Variants in BCR observed in about 807,000 individuals in gnomAD.
BCR encodes BCR activator of RhoGEF and GTPase, also known as breakpoint cluster region protein.
A neutral mutation model predicts 138.6 loss-of-function variants in BCR; 58 were observed. That is an observed-to-expected ratio of 0.42 (90% CI 0.34 to 0.52). BCR has a LOEUF of 0.52. BCR is among the 20% of genes least tolerant of loss of function. The pLI, the probability that BCR is intolerant of heterozygous loss-of-function variation, is 0.06. For synonymous variants in BCR, 786 were observed against 730.1 expected (o/e 1.08, Z -1.23); for missense variants, 1,599 against 1,727.2 (o/e 0.93, Z 1.32).
intron 1 of BCR, among the ~76,000 whole-genome samples, chr22:23,213,206 A>G (rs150763160): frequency 6.6e-6 from 1 of 152,168 alleles, no homozygotes; most frequent in Non-Finnish European, 1.5e-5. Flanking sequence ...TCCACAGACA[A>G]TCATGGCCCT....
At chr22:23,262,839 G>A (rs1325876458) in intron 4 of BCR, 2 of 1,036,294 alleles carry the variant, frequency 1.9e-6, no homozygotes, top group African/African-American at 3.4e-5. Context: ...GAGGAAGCAG[G>A]GCGGAAGGGA....
chr22:23,236,442 A>G (rs1234272687), intron 1 of BCR, among the ~76,000 whole-genome samples: 1 of 152,216 alleles, frequency 6.6e-6, no homozygotes, highest in Non-Finnish European at 1.5e-5. Context: ...ACTTGTCCTA[A>G]TAGACCACTC....
chr22:23,186,168 G>C (rs1336574514), intron 1 of BCR, among the ~76,000 whole-genome samples: 2 of 152,236 alleles, frequency 1.3e-5, no homozygotes, highest in Non-Finnish European at 2.9e-5. Flanking sequence ...TCAGTCACCA[G>C]AAGTTGGAGG....
intron 1 of BCR, among the ~76,000 whole-genome samples, chr22:23,239,400 G>A (rs1010257774): frequency 6.6e-6 from 1 of 152,226 alleles, no homozygotes; most frequent in Non-Finnish European, 1.5e-5. Flanking sequence ...CACTGGAAGA[G>A]GAGAGCCCAA....
At chr22:23,233,725 G>C (rs1337390121) in intron 1 of BCR, among the ~76,000 whole-genome samples, 1 of 151,500 alleles carries the variant, frequency 6.6e-6, no homozygotes, top group African/African-American at 2.4e-5. Flanking sequence ...AGGAGTCGGG[G>C]GTTGTTGTGA....
chr22:23,242,013 T>G (rs1406927163), intron 1 of BCR, among the ~76,000 whole-genome samples: 3 of 152,148 alleles, frequency 2.0e-5, no homozygotes, highest in African/African-American at 4.8e-5. Context: ...CAGCCCCCCT[T>G]AGCTCTTAGT....
Position 23,181,642 on chromosome 22 carries a change from A to T in BCR, c.682A>T (p.Arg228Trp). 1 of 1,609,930 alleles carries T rather than the reference A, an allele frequency of 6.2e-7. No homozygotes were observed. Residue 228 changes from arginine to tryptophan, a missense_variant, in exon 1 of 23, where the codon AGG (arginine) becomes TGG (tryptophan). Around this residue, in one of 4 missense-constraint regions of BCR, gnomAD observed 806 missense variants for 635.0 expected, o/e 1.27. Transcript: ENST00000305877. ...GGGCTCGAGCGTGGGGGATGCATCC[A>T]GGCCCCCTTACCGGGGACGCTCCTC... ...GAGSSVGDAS[R>W]PPYRGRSSES...
At chr22:23,262,697 GCCC>G in intron 4 of BCR, 2 of 178,790 alleles carry the variant, frequency 1.1e-5, no homozygotes, top group South Asian at 1.8e-4. Flanking sequence ...GGAATGGCGG[GCCC>G]GGGTGAGGGC....
chr22:23,199,147 C>G (rs957123653), intron 1 of BCR: 1 of 344,996 alleles, frequency 2.9e-6, no homozygotes, highest in Admixed American at 3.8e-5. Context: ...GAATTTGGCC[C>G]TAACAAATGC....
chr22:23,267,853 G>C (rs1325720852), intron 4 of BCR, among the ~76,000 whole-genome samples: 3 of 152,216 alleles, frequency 2.0e-5, no homozygotes, highest in Non-Finnish European at 2.9e-5. Context: ...CCCCCACCAG[G>C]TGTGTAGCAT....
At chr22:23,238,079 C>T (rs1241439100) in intron 1 of BCR, among the ~76,000 whole-genome samples, 1 of 151,798 alleles carries the variant, frequency 6.6e-6, no homozygotes, top group Non-Finnish European at 1.5e-5. Flanking sequence ...TGTCATTATC[C>T]CCATTTCATT....
rs3680 is a variant in BCR at position 23,317,788 on chromosome 22, G to A, written c.*2266G>A. On this transcript the variant is annotated 3_prime_UTR_variant, in exon 23 of 23. Coordinates refer to ENST00000305877, the MANE Select transcript of BCR (RefSeq NM_004327.4). ...CCGGTGTGGGGCTGGGGAACGCAGC[G>A]TTCTCCAGGAGGGGGACCTGGCTCT... 2.6e-5 allele frequency: 3 copies of A among 114,654 alleles called. No homozygotes were observed. In the South Asian group the frequency reaches 1.0e-3, roughly 39 times the overall value. The allele number at this position is 114,654 out of a possible 1,614,324, so 7.1% of individuals were successfully genotyped here. A position where few individuals can be genotyped will look rare whatever the true frequency, so the allele number is the denominator to read the frequency against.
At chr22:23,198,061 C>T (rs1282246184) in intron 1 of BCR, among the ~76,000 whole-genome samples, 2 of 151,752 alleles carry the variant, frequency 1.3e-5, no homozygotes, top group East Asian at 1.9e-4. Flanking sequence ...GGGGAGGTCA[C>T]GTGAGAGAAA....
At chr22:23,260,223 A>G (rs2073341566) in intron 2 of BCR, among the ~76,000 whole-genome samples, 1 of 152,184 alleles carries the variant, frequency 6.6e-6, no homozygotes, top group Non-Finnish European at 1.5e-5. Flanking sequence ...TTTGGAGACA[A>G]AAACAGTAGA....
At chr22:23,268,231 G>C (rs545213073) in intron 4 of BCR, among the ~76,000 whole-genome samples, 177 bp from the exon 5 acceptor site, 1 of 152,316 alleles carries the variant, frequency 6.6e-6, no homozygotes, top group East Asian at 1.9e-4. Flanking sequence ...AGTGTGCTGG[G>C]TGCGTGGGGA....
chr22:23,263,324 C>A, intron 4 of BCR: 2 of 1,186,560 alleles, frequency 1.7e-6, no homozygotes, highest in Non-Finnish European at 2.5e-6. Flanking sequence ...CCAACTGCGA[C>A]CTGCTCCGGC....
At chr22:23,306,516 G>A (rs951169516) in intron 16 of BCR, among the ~76,000 whole-genome samples, 2 of 152,256 alleles carry the variant, frequency 1.3e-5, no homozygotes, top group Non-Finnish European at 2.9e-5. Context: ...TGGGCAACAG[G>A]AAACTAGCCA....
rs1358840625 is a variant in BCR, at chr22:23,181,761, C to G, written c.801C>G (p.Ser267Arg). Reference sequence around the variant, plus strand: ...ACCTGATCGACGCCAATGGCGGTAGCAGGCCCCCTTGGCCGCCCCTGGAGT... The same window carrying G: ...ACCTGATCGACGCCAATGGCGGTAGGAGGCCCCCTTGGCCGCCCCTGGAGT... ...KDNLIDANGG[S>R]RPPWPPLEYQ... Residue 267 changes from serine to arginine, a missense_variant, in exon 1 of 23, where the codon AGC (serine) becomes AGG (arginine). This residue lies in a region of BCR where 806 missense variants were observed against 635.0 expected (regional missense o/e 1.27). Transcript: ENST00000305877. 6.2e-7 allele frequency: 1 copy of G among 1,605,696 alleles called. No homozygotes were observed. The highest frequency in any genetic ancestry group is 8.5e-7 in the Non-Finnish European group (1 of 1,179,982).
At chr22:23,192,778 C>G (rs2146201863) in intron 1 of BCR, among the ~76,000 whole-genome samples, 1 of 152,310 alleles carries the variant, frequency 6.6e-6, no homozygotes, top group South Asian at 2.1e-4. Context: ...CTGCTGCTGA[C>G]AGTGGTCTGT....
Sources: gnomAD v4.1 joint callset for allele counts (sites outside exome capture counted in the v4.1 genomes callset) on GRCh38, gnomAD v4.1.1 for gene constraint, gnomAD v4.1.1 regional missense constraint, MANE v1.5 for transcripts, NCBI Gene and HGNC (gene_info 2026-07-23, HGNC 2026-07-21) for gene names.